TMC1: variants seen among roughly 807,000 people sequenced by gnomAD.
TMC1 encodes transmembrane channel like 1, also known as transmembrane channel-like protein 1.
In TMC1, 84 loss-of-function variants were observed where a neutral mutation model predicts 105.8. The observed-to-expected ratio is 0.79, with a 90% CI of 0.67 to 0.95. The LOEUF (loss-of-function observed/expected upper bound fraction) is 0.95. Ranked by LOEUF, TMC1 falls within the 40% of genes least tolerant of loss-of-function variation. The probability of loss-of-function intolerance (pLI) is 0.00; values close to 1 mark genes in which losing one functional copy is unlikely to be tolerated. For missense variants in TMC1, 817 were observed against 914.1 expected (o/e 0.89, Z 1.37); for synonymous variants, 315 against 311.5 (o/e 1.01, Z -0.12).
rs375091650 is a variant in TMC1, at chr9:72,629,449, C to G, written c.-53+1386C>G. Among the ~76,000 whole-genome samples, 45 of 152,182 alleles carry G rather than the reference C, an allele frequency of 3.0e-4. 1 individual carries two copies. In the South Asian group the frequency reaches 9.1e-3, roughly 31 times the overall value. On this transcript the variant is annotated intron_variant, in intron 4 of 23. Coordinates refer to ENST00000297784, the MANE Select transcript of TMC1 (RefSeq NM_138691.3). The stretch of plus-strand genomic sequence containing the variant: ...AATCTAGAGATCAAAGATAAAATGG[C>G]CTTGCCCTCAAGGAACCCATGAGCT...
intron 5 of TMC1, among the ~76,000 whole-genome samples, chr9:72,686,045 TG>T (rs1826375120): frequency 6.6e-6 from 1 of 152,362 alleles, no homozygotes; most frequent in African/African-American, 2.4e-5. Context: ...TTCTTTTTAC[TG>T]TTTTTAATTA....
intron 2 of TMC1, among the ~76,000 whole-genome samples, chr9:72,605,519 C>T (rs1023974946): frequency 5.9e-5 from 9 of 151,996 alleles, no homozygotes; most frequent in Non-Finnish European, 1.0e-4. Flanking sequence ...CCTCTGTGCA[C>T]ATGCACTTCT....
intron 13 of TMC1, among the ~76,000 whole-genome samples, chr9:72,781,776 C>A (rs1358521958): frequency 6.6e-6 from 1 of 151,966 alleles, no homozygotes; most frequent in Non-Finnish European, 1.5e-5. Flanking sequence ...AAATTGAAAC[C>A]CTGAACAGAC....
At chr9:72,737,930 C>CT (rs1202792437) in intron 8 of TMC1, among the ~76,000 whole-genome samples, 1 of 152,148 alleles carries the variant, frequency 6.6e-6, no homozygotes, top group African/African-American at 2.4e-5. Flanking sequence ...CCAATCTAGT[C>CT]TATCAATTGA....
intron 5 of TMC1, among the ~76,000 whole-genome samples, chr9:72,660,311 C>A (rs947791032): frequency 1.3e-5 from 2 of 152,142 alleles, no homozygotes; most frequent in Non-Finnish European, 2.9e-5. Flanking sequence ...AAATTGAATT[C>A]TCTACCTCAA....
chr9:72,555,198 T>G (rs1587953968), intron 1 of TMC1, among the ~76,000 whole-genome samples: 2 of 37,216 alleles, frequency 5.4e-5, no homozygotes, highest in East Asian at 6.0e-4. Flanking sequence ...ATTCTGTTTT[T>G]TTTTTTTTTT....
At chr9:72,797,592 A>T (rs563820408) in intron 17 of TMC1, among the ~76,000 whole-genome samples, 41 of 152,340 alleles carry the variant, frequency 2.7e-4, no homozygotes, top group African/African-American at 9.4e-4. Context: ...GATCTTTGAC[A>T]AACCTGACAA....
At chr9:72,534,234 G>A (rs1160988117) in intron 1 of TMC1, among the ~76,000 whole-genome samples, 1 of 152,186 alleles carries the variant, frequency 6.6e-6, no homozygotes, top group African/African-American at 2.4e-5. Context: ...AGGGACAGCT[G>A]TCTCTTGTTC....
chr9:72,818,027 C>T (rs1828813725), intron 19 of TMC1, among the ~76,000 whole-genome samples: 1 of 151,958 alleles, frequency 6.6e-6, no homozygotes, highest in Non-Finnish European at 1.5e-5. Context: ...TTTCCTAACC[C>T]TAGGAGGCTG....
chr9:72,693,957 T>G (rs1402231235), intron 6 of TMC1, among the ~76,000 whole-genome samples: 1 of 147,128 alleles, frequency 6.8e-6, no homozygotes, highest in Non-Finnish European at 1.5e-5. Flanking sequence ...TGTATACTAC[T>G]TTTTTTTTTA....
At chr9:72,656,243 G>T in intron 5 of TMC1, 1 of 455,522 alleles carries the variant, frequency 2.2e-6, no homozygotes. Context: ...GTGAACAGTG[G>T]TGAGTCAGGA....
chr9:72,702,369 A>T (rs1301764445), intron 8 of TMC1, among the ~76,000 whole-genome samples: 1 of 152,136 alleles, frequency 6.6e-6, no homozygotes, highest in African/African-American at 2.4e-5. Flanking sequence ...AGGATCTCAG[A>T]TCTTCCATTT....
chr9:72,821,147 T>C (rs1249433708), intron 20 of TMC1, 66 bp downstream of exon 20: 3 of 1,608,032 alleles, frequency 1.9e-6, no homozygotes, highest in Non-Finnish European at 2.6e-6. Context: ...GGAATGGTCA[T>C]TCATTGTATA....
intron 17 of TMC1, among the ~76,000 whole-genome samples, chr9:72,794,048 G>A (rs1828322064): frequency 6.6e-6 from 1 of 152,058 alleles, no homozygotes; most frequent in Admixed American, 6.6e-5. Flanking sequence ...CAGGAGAGAA[G>A]GCCAGTCTGT....
intron 1 of TMC1, among the ~76,000 whole-genome samples, chr9:72,576,564 T>G (rs1157239152): frequency 1.1e-4 from 17 of 151,682 alleles, no homozygotes; most frequent in Non-Finnish European, 2.9e-5. Flanking sequence ...TCCTGCCCAA[T>G]GCCAAGGGAT....
chr9:72,553,789 A>T (rs1230686944), intron 1 of TMC1, among the ~76,000 whole-genome samples: 2 of 152,228 alleles, frequency 1.3e-5, no homozygotes, highest in East Asian at 3.8e-4. Flanking sequence ...TAATGATTAG[A>T]GATCATGCCA....
chr9:72,709,733 T>G (rs1826803758), intron 8 of TMC1, among the ~76,000 whole-genome samples: 1 of 152,204 alleles, frequency 6.6e-6, no homozygotes. Flanking sequence ...CTAATAGAGC[T>G]TATTTGGATC....
chr9:72,771,223 T>G (rs897042785), intron 12 of TMC1, among the ~76,000 whole-genome samples: 1 of 152,206 alleles, frequency 6.6e-6, no homozygotes, highest in Non-Finnish European at 1.5e-5. Flanking sequence ...AGATTTTATT[T>G]TGTTCTAGTT....
chr9:72,713,415 G>A (rs1397993960), intron 8 of TMC1, among the ~76,000 whole-genome samples: 1 of 152,028 alleles, frequency 6.6e-6, no homozygotes, highest in Non-Finnish European at 1.5e-5. Flanking sequence ...GGACTTTTTG[G>A]TTGGTAGGCT....
Sources: allele counts gnomAD v4.1 joint callset (sites outside exome capture counted in the v4.1 genomes callset), GRCh38; gene constraint gnomAD v4.1.1; transcripts MANE v1.5; gene names NCBI Gene and HGNC (gene_info 2026-07-23, HGNC 2026-07-21).